Variants in TBX20 observed in about 807,000 individuals in gnomAD.
TBX20 encodes the protein T-box transcription factor 20, also known as T-box transcription factor TBX20.
A neutral mutation model predicts 42.9 loss-of-function variants in TBX20; 8 were observed. That is an observed-to-expected ratio of 0.19 (90% CI 0.11 to 0.34). The LOEUF is 0.34. Among genes scored for constraint, TBX20 ranks in the 10% least tolerant of loss-of-function variants. TBX20 has a pLI of 1.00. For missense variants in TBX20, 411 were observed against 566.0 expected, an observed-to-expected ratio of 0.73 and a Z score of 2.78; for synonymous variants, 198 against 222.8, an observed-to-expected ratio of 0.89 and a Z score of 0.99.
intron 6 of TBX20, among the ~76,000 whole-genome samples, chr7:35,219,260 TA>T (rs1433994890): frequency 6.6e-6 from 1 of 152,012 alleles, no homozygotes; most frequent in Admixed American, 6.6e-5. Context: ...TAAAGGGCCA[TA>T]TAGTAAATAT....
intron 5 of TBX20, among the ~76,000 whole-genome samples, chr7:35,234,783 C>T (rs1283295183): frequency 3.3e-5 from 5 of 152,100 alleles, no homozygotes; most frequent in East Asian, 1.9e-4. Context: ...TGCTTTTGCA[C>T]GTGAGAACAG....
chr7:35,213,050 C>T (rs1334377162), intron 6 of TBX20, among the ~76,000 whole-genome samples: 2 of 152,184 alleles, frequency 1.3e-5, no homozygotes, highest in South Asian at 2.1e-4. Context: ...TATTCTCCCC[C>T]ACTGCCATGG....
chr7:35,225,838 T>C (rs1425479719), intron 6 of TBX20, among the ~76,000 whole-genome samples: 2 of 152,158 alleles, frequency 1.3e-5, no homozygotes, highest in Non-Finnish European at 2.9e-5. Context: ...ATCAAGAAAC[T>C]TTTAAAATGA....
chr7:35,205,188 G>A (rs1789380177), intron 6 of TBX20, among the ~76,000 whole-genome samples: 1 of 152,118 alleles, frequency 6.6e-6, no homozygotes, highest in African/African-American at 2.4e-5. Context: ...AAAAACCCAT[G>A]AAGAAAACAC....
intron 3 of TBX20, among the ~76,000 whole-genome samples, chr7:35,246,109 A>T (rs1790178673): frequency 6.6e-6 from 1 of 152,242 alleles, no homozygotes; most frequent in Non-Finnish European, 1.5e-5. Context: ...AAGAACAAGA[A>T]ATCTGTTCCA....
chr7:35,224,852 T>C (rs1789744130), intron 6 of TBX20, among the ~76,000 whole-genome samples: 1 of 152,032 alleles, frequency 6.6e-6, no homozygotes, highest in South Asian at 2.1e-4. Flanking sequence ...ATGAAAGTTA[T>C]TGCTTTGGTA....
intron 3 of TBX20, 62 bp downstream of exon 3, chr7:35,248,615 G>T: frequency 6.4e-7 from 1 of 1,567,188 alleles, no homozygotes; most frequent in South Asian, 1.1e-5. Flanking sequence ...ATTCACACAA[G>T]CCAGAAACAT....
At chr7:35,225,689 A>T (rs1789758058) in intron 6 of TBX20, among the ~76,000 whole-genome samples, 1 of 152,242 alleles carries the variant, frequency 6.6e-6, no homozygotes, top group South Asian at 2.1e-4. Context: ...TTGAATACTG[A>T]TATCACTGTA....
At chr7:35,208,617 C>T (rs1274126493) in intron 6 of TBX20, among the ~76,000 whole-genome samples, 1 of 151,954 alleles carries the variant, frequency 6.6e-6, no homozygotes, top group Non-Finnish European at 1.5e-5. Context: ...TGGCCCATGC[C>T]TGTAATCCCC....
rs149504187 is a variant in TBX20, at chr7:35,224,010, T to C, written c.890+7494A>G. ...TTTAAAAAGGGTAGCCGTATAAGAT[T>C]AAAGTAGAACTTGAGACAAAAACAA... On this transcript the variant is annotated intron_variant, in intron 6 of 7. Transcript: ENST00000408931. 4.6e-3 allele frequency among the ~76,000 whole-genome samples: 707 copies of C among 152,330 alleles called. 6 individuals are homozygous for C. The highest frequency in any genetic ancestry group is 0.016 in the African/African-American group (667 of 41,584).
intron 1 of TBX20, among the ~76,000 whole-genome samples, chr7:35,250,425 A>C (rs1790284228): frequency 6.6e-6 from 1 of 152,250 alleles, no homozygotes; most frequent in African/African-American, 2.4e-5. Flanking sequence ...AGTGAGTTCT[A>C]GAATGACTGC....
intron 7 of TBX20, among the ~76,000 whole-genome samples, chr7:35,203,816 A>G (rs1301081688): frequency 1.3e-5 from 2 of 152,208 alleles, no homozygotes; most frequent in African/African-American, 4.8e-5. Flanking sequence ...ATAATTTCAT[A>G]TTAAGGACAT....
In TBX20 at chr7:35,237,503, A is replaced by G. The variant is rs1448714641; in HGVS notation, c.813+3376T>C. ...TTAAAGAGTGTTTAGAAGTGTCAGG[A>G]GGCATGCAACTTAGTTTCAAAAGGG... On this transcript the variant is annotated intron_variant, in intron 5 of 7. Coordinates refer to ENST00000408931, the MANE Select transcript of TBX20 (RefSeq NM_001077653.2). Among the ~76,000 whole-genome samples the G allele has an allele frequency of 3.3e-5, 5 of 152,274 alleles. No individual in the cohort carries two copies. The East Asian group carries it at 9.7e-4, about 29-fold the overall frequency.
intron 6 of TBX20, among the ~76,000 whole-genome samples, chr7:35,221,863 G>A (rs202155336): frequency 5.3e-5 from 8 of 152,078 alleles, no homozygotes; most frequent in South Asian, 2.1e-4. Flanking sequence ...CCTGATGTTC[G>A]TTAAGAAAAT....
chr7:35,230,778 C>T (rs1789853193), intron 6 of TBX20, among the ~76,000 whole-genome samples: 1 of 151,992 alleles, frequency 6.6e-6, no homozygotes, highest in South Asian at 2.1e-4. Context: ...AGACATTGGA[C>T]CACATAAAAG....
chr7:35,210,059 T>C (rs1489580177), intron 6 of TBX20, among the ~76,000 whole-genome samples: 2 of 152,146 alleles, frequency 1.3e-5, no homozygotes, highest in African/African-American at 4.8e-5. Context: ...AGACTTCTTT[T>C]GCGTAGTGTA....
intron 6 of TBX20, among the ~76,000 whole-genome samples, chr7:35,229,706 TAGG>T (rs778538982): frequency 1.5e-4 from 23 of 152,314 alleles, no homozygotes; most frequent in Non-Finnish European, 2.4e-4. Context: ...ATTTTTACTC[TAGG>T]AGTAGTTTAT....
chr7:35,232,944 C>T (rs1159384776), intron 5 of TBX20, among the ~76,000 whole-genome samples: 3 of 152,094 alleles, frequency 2.0e-5, no homozygotes, highest in Admixed American at 6.5e-5. Context: ...CACCTGAACC[C>T]GGGAGGCAGA....
At chr7:35,226,907 G>A (rs1411713534) in intron 6 of TBX20, among the ~76,000 whole-genome samples, 6 of 151,854 alleles carry the variant, frequency 4.0e-5, no homozygotes, top group Non-Finnish European at 8.8e-5. Flanking sequence ...CAGATCCTTT[G>A]GCAGGTATTC....
Sources: allele counts gnomAD v4.1 joint callset (sites outside exome capture counted in the v4.1 genomes callset), GRCh38; gene constraint gnomAD v4.1.1; transcripts MANE v1.5; gene names NCBI Gene and HGNC (gene_info 2026-07-23, HGNC 2026-07-21).